ZNF138: variants seen among roughly 807,000 people sequenced by gnomAD.
ZNF138 encodes the protein zinc finger protein 138 (clone pHZ-32).
In ZNF138, 33 loss-of-function variants were observed where a neutral mutation model predicts 33.0. The observed-to-expected ratio is 1.00, with a 90% CI of 0.76 to 1.34. ZNF138 has a LOEUF of 1.34. Ranked by LOEUF, ZNF138 falls within the 40% of genes most tolerant of loss-of-function variation. ZNF138 has a pLI of 0.00. For missense variants in ZNF138, 360 were observed against 370.8 expected, an observed-to-expected ratio of 0.97 and a Z score of 0.24; for synonymous variants, 139 against 120.4, an observed-to-expected ratio of 1.15 and a Z score of -1.01.
rs191492549 is a variant in ZNF138 at position 64,832,446 on chromosome 7, C to T, written c.*244C>T. ...TAAAGAATGTGGAAAAGCTTTTCACCGATACTCAATCCTTAGTACACATAA... is the reference window on the plus strand; with the variant it reads ...TAAAGAATGTGGAAAAGCTTTTCACTGATACTCAATCCTTAGTACACATAA... On this transcript the variant is annotated 3_prime_UTR_variant, in exon 4 of 4. Transcript: ENST00000307355. The T allele has an allele frequency of 5.2e-5, 73 of 1,415,752 alleles. No homozygotes were observed. The highest frequency in any genetic ancestry group is 1.7e-4 in the African/African-American group (12 of 69,524). 87.7% of individuals were successfully genotyped at this position (1,415,752 alleles called of 1,614,324 possible).
chr7:64,844,290 G>A, the ZNF138 span, among the ~76,000 whole-genome samples: 1 of 152,290 alleles, frequency 6.6e-6, no homozygotes, highest in Non-Finnish European at 1.5e-5. Flanking sequence ...GATTTAAAGG[G>A]CACATTTTCT....
At chr7:64,828,605 C>T (rs147731332) in intron 3 of ZNF138, among the ~76,000 whole-genome samples, 14 of 152,110 alleles carry the variant, frequency 9.2e-5, no homozygotes, top group Admixed American at 8.5e-4. Flanking sequence ...AACAATTCTG[C>T]AAAAATTATG....
chr7:64,823,378 C>T (rs1315602451), intron 3 of ZNF138, among the ~76,000 whole-genome samples: 9 of 152,114 alleles, frequency 5.9e-5, no homozygotes, highest in African/African-American at 2.2e-4. Context: ...CTATGTCACC[C>T]AGGCTGGAGT....
At chr7:64,860,320 C>T in the ZNF138 span, among the ~76,000 whole-genome samples, 2 of 152,152 alleles carry the variant, frequency 1.3e-5, no homozygotes, top group Admixed American at 1.3e-4. Context: ...TTGAAATATA[C>T]ACTGCATTAT....
At chr7:64,841,636 C>CT in the ZNF138 span, among the ~76,000 whole-genome samples, 29 of 152,158 alleles carry the variant, frequency 1.9e-4, no homozygotes, top group Non-Finnish European at 4.1e-4. Flanking sequence ...TCCTAATTAT[C>CT]TTTAGTTTTG....
intron 3 of ZNF138, among the ~76,000 whole-genome samples, chr7:64,824,037 G>A (rs1324627779): frequency 2.0e-5 from 3 of 152,284 alleles, no homozygotes; most frequent in African/African-American, 7.2e-5. Context: ...CTTTTGACTG[G>A]AAAGTTTGCA....
chr7:64,825,212 G>A (rs1432614574), intron 3 of ZNF138, among the ~76,000 whole-genome samples: 7 of 119,776 alleles, frequency 5.8e-5, no homozygotes, highest in Admixed American at 1.1e-4. Flanking sequence ...TCGCACTGTC[G>A]CCCAGGCTGG....
At chr7:64,805,242 C>A (rs982047154) in intron 1 of ZNF138, among the ~76,000 whole-genome samples, 1 of 151,936 alleles carries the variant, frequency 6.6e-6, no homozygotes, top group Non-Finnish European at 1.5e-5. Context: ...ACCAAAAATA[C>A]AAAAAAATTA....
At chr7:64,806,636 A>G (rs1244725753) in intron 1 of ZNF138, among the ~76,000 whole-genome samples, 1 of 152,222 alleles carries the variant, frequency 6.6e-6, no homozygotes, top group Non-Finnish European at 1.5e-5. Context: ...GCTCAAAGAG[A>G]CATTAAAATG....
At chr7:64,822,817 G>C (rs781642590) in intron 3 of ZNF138, among the ~76,000 whole-genome samples, 26 of 152,148 alleles carry the variant, frequency 1.7e-4, no homozygotes, top group Admixed American at 4.6e-4. Flanking sequence ...AATTTTGTTA[G>C]AGATTATGTT....
chr7:64,830,982 C>T, intron 3 of ZNF138: 1 of 1,551,500 alleles, frequency 6.4e-7, no homozygotes, highest in South Asian at 1.2e-5. Context: ...AACATTTTGT[C>T]ATTCCAAAGT....
chr7:64,821,730 G>A (rs4288251), intron 3 of ZNF138, among the ~76,000 whole-genome samples: 148,351 of 150,620 alleles, frequency 0.98, 73,195 homozygotes, highest in East Asian at 1. Flanking sequence ...TATTTTTAGT[G>A]GAGACAGGGT....
At chr7:64,811,186 AAATCCAGG>A (rs1788149767) in intron 1 of ZNF138, among the ~76,000 whole-genome samples, 2 of 152,306 alleles carry the variant, frequency 1.3e-5, no homozygotes, top group South Asian at 4.1e-4. Context: ...CCCTTTTTCT[AAATCCAGG>A]GAATTATTAA....
chr7:64,815,022 C>T lies in ZNF138; in HGVS notation c.108C>T (p.Asn36=). The part of the protein sequence containing the change: ...RNVYRHVMLE[N]YRNLVFLDLI... ...TATATAGGCATGTGATGTTAGAGAA[C>T]TACAGAAACCTGGTTTTCTTGGGTG... The change falls in exon 2 of 4, where the codon AAC becomes AAT. Residue 36 remains asparagine, a synonymous_variant. Coordinates refer to ENST00000307355, the MANE Select transcript of ZNF138 (RefSeq NM_001271639.2). 6.2e-7 allele frequency: 1 copy of T among 1,607,904 alleles called. No homozygotes were observed. Among genetic ancestry groups the T allele is most frequent in the Middle Eastern group, 1.7e-4 (1 of 6,028 alleles).
intron 1 of ZNF138, among the ~76,000 whole-genome samples, chr7:64,810,014 TG>T (rs1378802043): frequency 1.4e-5 from 1 of 69,594 alleles, no homozygotes; most frequent in Non-Finnish European, 2.9e-5. Flanking sequence ...TCCCAGATGA[TG>T]GGCGGCCAGG....
chr7:64,794,431 T>G lies in ZNF138; in HGVS notation c.-138T>G, dbSNP rs1583750202. On this transcript the variant is annotated 5_prime_UTR_variant, in exon 1 of 4. Transcript: ENST00000307355. The stretch of plus-strand genomic sequence containing the variant: ...TCCGGGAGGCGGCGGGGTCTTTGTC[T>G]CGCTGCAGCGGGTGCTGCAGGTCTG... 2 of 1,325,966 alleles carry G rather than the reference T, an allele frequency of 1.5e-6. No individual in the cohort carries two copies. Among genetic ancestry groups the G allele is most frequent in the Admixed American group, 1.8e-5 (1 of 55,416 alleles). The allele number at this position is 1,325,966 out of a possible 1,614,324, so 82.1% of individuals were successfully genotyped here.
the ZNF138 span, among the ~76,000 whole-genome samples, chr7:64,847,924 A>T: frequency 6.0e-5 from 9 of 151,222 alleles, no homozygotes; most frequent in Admixed American, 1.3e-4. Context: ...GTTTTTTTTT[A>T]AATTGTATTT....
chr7:64,819,802 G>A (rs1002862786), intron 3 of ZNF138, among the ~76,000 whole-genome samples: 13 of 147,394 alleles, frequency 8.8e-5, no homozygotes, highest in Admixed American at 4.7e-4. Context: ...AGGCATTGTG[G>A]TGGCTTCCAT....
Position 64,813,939 on chromosome 7 carries a change from A to G in ZNF138, c.4-979A>G, listed in dbSNP as rs954873493. ...CTTATTTTTCTCTGCATTATTAAGT[A>G]TCTTTATGCTGCTGATGTGGATAAA... On this transcript the variant is annotated intron_variant, in intron 1 of 3. Coordinates refer to ENST00000307355, the MANE Select transcript of ZNF138 (RefSeq NM_001271639.2). 12 of 800,040 alleles carry G rather than the reference A, an allele frequency of 1.5e-5. No individual in the cohort carries two copies. The African/African-American group carries it at 1.9e-4, about 13-fold the overall frequency. The allele number at this position is 800,040 out of a possible 1,614,324, so 49.6% of individuals were successfully genotyped here.
Sources: allele counts gnomAD v4.1 joint callset (sites outside exome capture counted in the v4.1 genomes callset), GRCh38; gene constraint gnomAD v4.1.1; transcripts MANE v1.5; gene names NCBI Gene and HGNC (gene_info 2026-07-23, HGNC 2026-07-21).